The following PDXP variants were observed in gnomAD, a reference collection of about 807,000 sequenced individuals.
PDXP encodes the protein chronophin.
Under a neutral mutation model 14.4 loss-of-function variants are expected in PDXP, and 15 were observed. The ratio of observed to expected loss-of-function variants is 1.04; its 90% CI spans 0.70 to 1.60. The LOEUF (loss-of-function observed/expected upper bound fraction) is 1.60, where lower values mean the gene tolerates loss of function less well. Among genes scored for constraint, PDXP ranks in the 40% most tolerant of loss-of-function variants. The pLI, the probability that PDXP is intolerant of heterozygous loss-of-function variation, is 0.00. For missense variants in PDXP, 413 were observed against 427.6 expected, an observed-to-expected ratio of 0.97 and a Z score of 0.30; for synonymous variants, 233 against 205.6, an observed-to-expected ratio of 1.13 and a Z score of -1.14.
rs572288015 is a variant in PDXP at position 37,659,239 on chromosome 22, C to A, written c.457C>A (p.His153Asn). The stretch of plus-strand genomic sequence containing the variant: ...CGCCGTGCTTGTGGGCTACGACGAG[C>A]ACTTCTCCTTCGCCAAGCTGAGGGA... The part of the protein sequence containing the change: ...VRAVLVGYDE[H>N]FSFAKLREAC... Residue 153 changes from histidine to asparagine, a missense_variant, in exon 1 of 2, where the codon CAC becomes AAC. His to Asn is a moderately conservative substitution (Grantham distance 68). Transcript: ENST00000215904. 1 of 1,320,700 alleles carries A rather than the reference C, an allele frequency of 7.6e-7. No individual in the cohort carries two copies. Among genetic ancestry groups the A allele is most frequent in the Non-Finnish European group, 9.7e-7 (1 of 1,030,572 alleles). The allele number at this position is 1,320,700 out of a possible 1,614,324, so 81.8% of individuals were successfully genotyped here.
At chr22:37,665,523 C>T (rs1921042196) in intron 1 of PDXP, 32 bp from the exon 2 acceptor site, 1 of 1,554,152 alleles carries the variant, frequency 6.4e-7, no homozygotes, top group Non-Finnish European at 8.7e-7. Flanking sequence ...CCCTGCCGCC[C>T]TCCTGCTGAC....
Position 37,659,190 on chromosome 22 carries a change from G to C in PDXP, c.408G>C (p.Gly136=). The change falls in exon 1 of 2, where the codon GGG becomes GGC. Residue 136 remains glycine (G), a synonymous_variant. Coordinates refer to ENST00000215904, the MANE Select transcript of PDXP (RefSeq NM_020315.5). ...GLRLAGDPSA[G]DGAAPRVRAV... Reference sequence around the variant, plus strand: ...GCCTGGCCGGGGACCCGAGCGCGGGGGACGGCGCGGCCCCGCGCGTGCGCG... The same window carrying C: ...GCCTGGCCGGGGACCCGAGCGCGGGCGACGGCGCGGCCCCGCGCGTGCGCG... 1 of 1,215,012 alleles carries C rather than the reference G, an allele frequency of 8.2e-7. No individual in the cohort carries two copies. The highest frequency in any genetic ancestry group is 1.0e-6 in the Non-Finnish European group (1 of 976,294). The allele number at this position is 1,215,012 out of a possible 1,614,324, so 75.3% of individuals were successfully genotyped here. A position where few individuals can be genotyped will look rare whatever the true frequency, so the allele number is the denominator to read the frequency against.
At position 37,665,732 on chromosome 22, in the gene PDXP, G is replaced by T; in HGVS notation, c.752G>T (p.Gly251Val). The change falls in exon 2 of 2, where the codon GGC becomes GTC. Residue 251 changes from glycine (G) to valine (V), a missense_variant. Transcript: ENST00000215904. Reference sequence around the variant, plus strand: ...GACATCCTCTTTGGCCACCGCTGCGGCATGACCACTGTGCTCACGCTCACA... The same window carrying T: ...GACATCCTCTTTGGCCACCGCTGCGTCATGACCACTGTGCTCACGCTCACA... ...ETDILFGHRCGMTTVLTLTGV... is the reference protein window; with the variant it reads ...ETDILFGHRCVMTTVLTLTGV... 1.2e-6 allele frequency: 2 copies of T among 1,614,124 alleles called. No individual in the cohort carries two copies. The highest frequency in any genetic ancestry group is 1.7e-6 in the Non-Finnish European group (2 of 1,180,036).
rs754366113 is a variant in PDXP at position 37,659,215 on chromosome 22, G to C, written c.433G>C (p.Ala145Pro). ...AGDGAAPRVR[A>P]VLVGYDEHFS... ...GGACGGCGCGGCCCCGCGCGTGCGC[G>C]CCGTGCTTGTGGGCTACGACGAGCA... Residue 145 changes from alanine (A) to proline (P), a missense_variant, in exon 1 of 2, where the codon GCC (alanine) becomes CCC (proline). Ala to Pro is a conservative substitution (Grantham distance 27). Coordinates refer to ENST00000215904, the MANE Select transcript of PDXP (RefSeq NM_020315.5). 6 of 1,284,762 alleles carry C rather than the reference G, an allele frequency of 4.7e-6. No homozygotes were observed. Among genetic ancestry groups the C allele is most frequent in the Non-Finnish European group, 3.9e-6 (4 of 1,013,980 alleles). 79.6% of individuals were successfully genotyped at this position (1,284,762 alleles called of 1,614,324 possible). A position where few individuals can be genotyped will look rare whatever the true frequency, so the allele number is the denominator to read the frequency against.
At chr22:37,664,266 A>G (rs1354396683) in intron 1 of PDXP, among the ~76,000 whole-genome samples, 1 of 113,476 alleles carries the variant, frequency 8.8e-6, no homozygotes, top group Non-Finnish European at 1.8e-5. Context: ...TTAAATATAT[A>G]TGTATATTTA....
Position 37,666,141 on chromosome 22 carries a change from C to A in PDXP, c.*270C>A. The A allele has an allele frequency of 1.9e-6, 1 of 534,846 alleles. No homozygotes were observed. 33.1% of individuals were successfully genotyped at this position (534,846 alleles called of 1,614,324 possible). A position where few individuals can be genotyped will look rare whatever the true frequency, so the allele number is the denominator to read the frequency against. On this transcript the variant is annotated 3_prime_UTR_variant, in exon 2 of 2. Coordinates refer to ENST00000215904, the MANE Select transcript of PDXP (RefSeq NM_020315.5). The stretch of plus-strand genomic sequence containing the variant: ...GCCTTATTTCTTCCCTGTCACCTCC[C>A]CTCCTTGAAATCTGGGCCCTGGTGC...
intron 1 of PDXP, among the ~76,000 whole-genome samples, chr22:37,660,781 C>T (rs907530235): frequency 1.3e-5 from 2 of 152,144 alleles, no homozygotes; most frequent in African/African-American, 4.8e-5. Flanking sequence ...GGGTGGTGAG[C>T]AGGGCCTAGT....
In PDXP at chr22:37,658,842, G is replaced by C; in HGVS notation, c.60G>C (p.Gln20His). Reference sequence around the variant, plus strand: ...TGCGCGACGTGCTGGGCCGGGCGCAGGGGGTCCTGTTCGACTGTGACGGGG... The same window carrying C: ...TGCGCGACGTGCTGGGCCGGGCGCACGGGGTCCTGTTCGACTGTGACGGGG... The part of the protein sequence containing the change: ...AALRDVLGRA[Q>H]GVLFDCDGVL... Residue 20 changes from glutamine to histidine, a missense_variant, in exon 1 of 2, where the codon CAG becomes CAC. Transcript: ENST00000215904. 1 of 1,202,156 alleles carries C rather than the reference G, an allele frequency of 8.3e-7. No individual in the cohort carries two copies. The highest frequency in any genetic ancestry group is 1.0e-6 in the Non-Finnish European group (1 of 967,852). 74.5% of individuals were successfully genotyped at this position (1,202,156 alleles called of 1,614,324 possible).
Position 37,659,274 on chromosome 22 carries a change from G to A in PDXP, c.492G>A (p.Ala164=). ...TCGCCAAGCTGAGGGAGGCGTGCGC[G>A]CACCTGCGCGACCCCGAGTGCCTAC... ...FSFAKLREAC[A]HLRDPECLLV... is the part of the protein sequence containing the mutation. Residue 164 remains alanine (A), a synonymous_variant, in exon 1 of 2, where the codon GCG becomes GCA. Coordinates refer to ENST00000215904, the MANE Select transcript of PDXP (RefSeq NM_020315.5). The A allele has an allele frequency of 7.6e-7, 1 of 1,318,772 alleles. No individual in the cohort carries two copies. 81.7% of individuals were successfully genotyped at this position (1,318,772 alleles called of 1,614,324 possible). A position where few individuals can be genotyped will look rare whatever the true frequency, so the allele number is the denominator to read the frequency against.
Position 37,658,822 on chromosome 22 carries a change from G to T in PDXP, c.40G>T (p.Asp14Tyr). 1 of 1,186,626 alleles carries T rather than the reference G, an allele frequency of 8.4e-7. No homozygotes were observed. Among genetic ancestry groups the T allele is most frequent in the Non-Finnish European group, 1.0e-6 (1 of 958,620 alleles). The allele number at this position is 1,186,626 out of a possible 1,614,324, so 73.5% of individuals were successfully genotyped here. ...GAGGCTGCGCGGAGCGGCCCTGCGC[G>T]ACGTGCTGGGCCGGGCGCAGGGGGT... Reference protein sequence around the residue: ...CERLRGAALRDVLGRAQGVLF... With the variant: ...CERLRGAALRYVLGRAQGVLF... The change falls in exon 1 of 2, where the codon GAC becomes TAC. Residue 14 changes from aspartate to tyrosine, a missense_variant. Coordinates refer to ENST00000215904, the MANE Select transcript of PDXP (RefSeq NM_020315.5).
rs541709590 is a variant in PDXP, at chr22:37,659,171, C to T, written c.389C>T (p.Ala130Val). 202 of 1,148,496 alleles carry T rather than the reference C, an allele frequency of 1.8e-4. 2 individuals carry two copies. The African/African-American group carries it at 3.0e-3, about 17-fold the overall frequency. 71.1% of individuals were successfully genotyped at this position (1,148,496 alleles called of 1,614,324 possible). Residue 130 changes from alanine (A) to valine (V), a missense_variant, in exon 1 of 2, where the codon GCC becomes GTC. Physicochemically the swap from Ala to Val is moderately conservative, Grantham distance 64. Transcript: ENST00000215904. ...AELRAAGLRL[A>V]GDPSAGDGAA... ...CTGCGCGCCGCGGGGCTGCGCCTGG[C>T]CGGGGACCCGAGCGCGGGGGACGGC...
chr22:37,664,640 G>A (rs187135924), intron 1 of PDXP, among the ~76,000 whole-genome samples: 1 of 152,340 alleles, frequency 6.6e-6, no homozygotes, highest in Non-Finnish European at 1.5e-5. Flanking sequence ...AATGTGCTTA[G>A]TAAATGGTGA....
Position 37,665,706 on chromosome 22 carries a change from C to T in PDXP, c.726C>T (p.Thr242=), listed in dbSNP as rs146847507. ...RTLMVGDRLE[T]DILFGHRCGM... ...TTATGGTGGGTGACCGCCTGGAGACCGACATCCTCTTTGGCCACCGCTGCG... is the reference window on the plus strand; with the variant it reads ...TTATGGTGGGTGACCGCCTGGAGACTGACATCCTCTTTGGCCACCGCTGCG... Residue 242 remains threonine (T), a synonymous_variant, in exon 2 of 2, where the codon ACC becomes ACT. Coordinates refer to ENST00000215904, the MANE Select transcript of PDXP (RefSeq NM_020315.5). The T allele has an allele frequency of 5.1e-5, 82 of 1,614,158 alleles. No homozygotes were observed. Among genetic ancestry groups the T allele is most frequent in the Admixed American group, 1.8e-4 (11 of 60,030 alleles).
At chr22:37,662,447 G>A (rs1366615500) in intron 1 of PDXP, among the ~76,000 whole-genome samples, 3 of 152,174 alleles carry the variant, frequency 2.0e-5, no homozygotes, top group Non-Finnish European at 4.4e-5. Context: ...AGCAGGGAAA[G>A]CCATGATTAT....
In PDXP at chr22:37,659,133, G is replaced by A. The variant is rs1459655701; in HGVS notation, c.351G>A (p.Gly117=). ...CCGTGTTCGTGCTGGGCGGCGAGGGGCTGCGCGCCGAGCTGCGCGCCGCGG... is the reference window on the plus strand; with the variant it reads ...CCGTGTTCGTGCTGGGCGGCGAGGGACTGCGCGCCGAGCTGCGCGCCGCGG... ...PGAVFVLGGE[G]LRAELRAAGL... is the part of the protein sequence containing the mutation. Residue 117 remains glycine, a synonymous_variant, in exon 1 of 2, where the codon GGG becomes GGA. Coordinates refer to ENST00000215904, the MANE Select transcript of PDXP (RefSeq NM_020315.5). The A allele has an allele frequency of 2.0e-6, 2 of 1,017,112 alleles. No homozygotes were observed. Among genetic ancestry groups the A allele is most frequent in the Non-Finnish European group, 2.3e-6 (2 of 852,780 alleles). 63.0% of individuals were successfully genotyped at this position (1,017,112 alleles called of 1,614,324 possible).
intron 1 of PDXP, among the ~76,000 whole-genome samples, chr22:37,659,826 G>A (rs11089848): frequency 0.047 from 7,170 of 152,280 alleles, 554 homozygotes; most frequent in African/African-American, 0.16. Flanking sequence ...CTCTGCCTGG[G>A]TGAGAAATGG....
In PDXP at chr22:37,666,174, A is replaced by G. The variant is rs1011945823; in HGVS notation, c.*303A>G. ...AAATCTGGGCCCTGGTGCCTGCTGA[A>G]GATTCCCTCTATCCCTGAGTACTTA... On this transcript the variant is annotated 3_prime_UTR_variant, in exon 2 of 2. Coordinates refer to ENST00000215904, the MANE Select transcript of PDXP (RefSeq NM_020315.5). 1.4e-4 allele frequency: 67 copies of G among 491,128 alleles called. No homozygotes were observed. The highest frequency in any genetic ancestry group is 2.6e-4 in the Admixed American group (7 of 27,390). 30.4% of individuals were successfully genotyped at this position (491,128 alleles called of 1,614,324 possible).
rs1272559691 is a variant in PDXP at position 37,665,573 on chromosome 22, C to A, written c.593C>A (p.Ala198Asp). The A allele has an allele frequency of 1.9e-6, 3 of 1,609,490 alleles. No individual in the cohort carries two copies. The African/African-American group carries it at 4.0e-5, about 21-fold the overall frequency. The stretch of plus-strand genomic sequence containing the variant: ...CCTACAGGCACCGGGAGCCTGGCCG[C>A]TGCAGTGGAGACAGCCTCGGGACGC... The part of the protein sequence containing the change: ...SRTPGTGSLA[A>D]AVETASGRQA... The change falls in exon 2 of 2, where the codon GCT (alanine) becomes GAT (aspartate). Residue 198 changes from alanine (A) to aspartate (D), a missense_variant. Physicochemically the swap from Ala to Asp is moderately radical, Grantham distance 126 (BLOSUM62 -2). Transcript: ENST00000215904.
intron 1 of PDXP, among the ~76,000 whole-genome samples, 182 bp from the exon 2 acceptor site, chr22:37,665,373 A>G (rs1569017342): frequency 6.6e-6 from 1 of 152,132 alleles, no homozygotes; most frequent in Non-Finnish European, 1.5e-5. Flanking sequence ...TGGAGTCCAG[A>G]TGCCGGCATC....
Sources: allele counts gnomAD v4.1 joint callset (sites outside exome capture counted in the v4.1 genomes callset), GRCh38; gene constraint gnomAD v4.1.1; transcripts MANE v1.5; gene names NCBI Gene and HGNC (gene_info 2026-07-23, HGNC 2026-07-21).